The following RAD51B variants were observed in gnomAD, a reference collection of about 807,000 sequenced individuals.
The protein encoded by RAD51B is RAD51 paralog B.
RAD51B carries 38 observed loss-of-function variants against 42.2 expected under a neutral mutation model. That is an observed-to-expected ratio of 0.90 (90% CI 0.70 to 1.18). The LOEUF (loss-of-function observed/expected upper bound fraction) is 1.18. RAD51B is among the 50% of genes most tolerant of loss of function. The probability of loss-of-function intolerance (pLI) is 0.00; values close to 1 mark genes in which losing one functional copy is unlikely to be tolerated. For synonymous variants in RAD51B, 154 were observed against 145.2 expected (o/e 1.06, Z -0.43); for missense variants, 373 against 400.7 (o/e 0.93, Z 0.59).
chr14:68,218,030 T>C (rs571838224), intron 7 of RAD51B, among the ~76,000 whole-genome samples: 4 of 152,334 alleles, frequency 2.6e-5, no homozygotes, highest in African/African-American at 9.6e-5. Context: ...ATAACTTTAA[T>C]GTTGTACAGT....
At chr14:68,613,726 T>C (rs554931254), downstream of RAD51B, among the ~76,000 whole-genome samples, 32 of 152,214 alleles carry the variant, frequency 2.1e-4, no homozygotes, top group African/African-American at 7.5e-4. Flanking sequence ...AGTGCTGGGA[T>C]TACAGGCGTG....
At chr14:67,990,946 C>G (rs1210592496) in intron 7 of RAD51B, among the ~76,000 whole-genome samples, 1 of 152,000 alleles carries the variant, frequency 6.6e-6, no homozygotes, top group Admixed American at 6.6e-5. Flanking sequence ...AAGGGTGAAG[C>G]CTTACTCGAA....
chr14:68,658,248 G>A (rs550711670), intron 11 of RAD51B, among the ~76,000 whole-genome samples: 1 of 152,222 alleles, frequency 6.6e-6, no homozygotes, highest in Non-Finnish European at 1.5e-5. Context: ...CTCTGAGCCA[G>A]CCACCCTGGA....
rs143276853 is a variant in RAD51B at position 68,368,455 on chromosome 14, T to C, written c.854-42969T>C. Among the ~76,000 whole-genome samples, 599 of 152,366 alleles carry C rather than the reference T, an allele frequency of 3.9e-3. 7 individuals carry two copies. The highest frequency in any genetic ancestry group is 0.014 in the African/African-American group (572 of 41,582). On this transcript the variant is annotated intron_variant, in intron 8 of 10. Transcript: ENST00000471583. Reference sequence around the variant, plus strand: ...TTAGTTTAGTTATTGACTATGTTTTTCTTCCTATAAAGTAAATATGTTTCA... The same window carrying C: ...TTAGTTTAGTTATTGACTATGTTTTCCTTCCTATAAAGTAAATATGTTTCA...
At chr14:68,566,063 C>T (rs968172336) in intron 10 of RAD51B, among the ~76,000 whole-genome samples, 7 of 152,212 alleles carry the variant, frequency 4.6e-5, no homozygotes, top group African/African-American at 1.7e-4. Context: ...CTTCGCTGGG[C>T]CTTGTCACTC....
At chr14:68,529,586 T>C (rs962948792) in intron 10 of RAD51B, among the ~76,000 whole-genome samples, 1 of 152,170 alleles carries the variant, frequency 6.6e-6, no homozygotes, top group Non-Finnish European at 1.5e-5. Flanking sequence ...CTTTCACTAC[T>C]AAGGGAGAGA....
downstream of RAD51B, among the ~76,000 whole-genome samples, chr14:68,613,929 A>G (rs988926079): frequency 6.6e-6 from 1 of 152,240 alleles, no homozygotes; most frequent in African/African-American, 2.4e-5. Context: ...GTGGCCATTC[A>G]GAACGCCCAA....
intron 8 of RAD51B, among the ~76,000 whole-genome samples, chr14:68,396,909 C>A (rs2083940639): frequency 6.6e-6 from 1 of 152,062 alleles, no homozygotes; most frequent in African/African-American, 2.4e-5. Flanking sequence ...ATCTAAATGG[C>A]CAAAAGAAAC....
At chr14:68,486,290 G>T (rs562450756) in intron 10 of RAD51B, among the ~76,000 whole-genome samples, 7 of 152,288 alleles carry the variant, frequency 4.6e-5, no homozygotes, top group Admixed American at 1.3e-4. Flanking sequence ...ACCTGCTACT[G>T]TGGGGTTCTA....
At chr14:68,375,123 C>G (rs762368557) in intron 8 of RAD51B, among the ~76,000 whole-genome samples, 1 of 151,840 alleles carries the variant, frequency 6.6e-6, no homozygotes, top group Non-Finnish European at 1.5e-5. Context: ...TTAGCGTTAC[C>G]CTATTTAAAC....
intron 9 of RAD51B, among the ~76,000 whole-genome samples, chr14:68,447,032 C>T (rs902561737): frequency 1.3e-5 from 2 of 152,118 alleles, no homozygotes; most frequent in African/African-American, 2.4e-5. Flanking sequence ...GCCTGACCAA[C>T]GTGGTCTACT....
At chr14:67,827,335 C>T (rs1056212882) in intron 3 of RAD51B, among the ~76,000 whole-genome samples, 1 of 152,188 alleles carries the variant, frequency 6.6e-6, no homozygotes, top group Non-Finnish European at 1.5e-5. Flanking sequence ...TTTCTACTTC[C>T]ATCACTACCT....
At chr14:67,820,809 C>G (rs186047430) in intron 1 of RAD51B, among the ~76,000 whole-genome samples, 2 of 152,154 alleles carry the variant, frequency 1.3e-5, no homozygotes, top group East Asian at 3.9e-4. Context: ...ACGCACTCCC[C>G]GAGTCCTTTA....
At chr14:68,580,902 T>C (rs1026316468) in intron 10 of RAD51B, among the ~76,000 whole-genome samples, 1 of 152,200 alleles carries the variant, frequency 6.6e-6, no homozygotes, top group Non-Finnish European at 1.5e-5. Context: ...CAGCTGTGCT[T>C]TGGCGGTCAT....
intron 7 of RAD51B, among the ~76,000 whole-genome samples, chr14:68,203,924 G>C (rs1803582953): frequency 1.3e-5 from 2 of 152,200 alleles, no homozygotes; most frequent in Non-Finnish European, 2.9e-5. Flanking sequence ...TTAAGCCCTT[G>C]CTCTGGATTA....
chr14:68,561,870 C>T (rs1889169085), intron 10 of RAD51B: 2 of 805,122 alleles, frequency 2.5e-6, no homozygotes, highest in Non-Finnish European at 3.0e-6. Context: ...GTTTCCTCTG[C>T]TGGAAAAGGA....
At chr14:68,004,823 G>A (rs889417808) in intron 7 of RAD51B, among the ~76,000 whole-genome samples, 1 of 151,832 alleles carries the variant, frequency 6.6e-6, no homozygotes, top group Non-Finnish European at 1.5e-5. Flanking sequence ...AGGGGGGTTT[G>A]GTTCGTTTTT....
At chr14:68,641,322 C>A (rs1228535000) in intron 10 of RAD51B, among the ~76,000 whole-genome samples, 1 of 152,164 alleles carries the variant, frequency 6.6e-6, no homozygotes, top group Non-Finnish European at 1.5e-5. Flanking sequence ...TGCAACCCTA[C>A]TATAATTGCT....
chr14:68,106,219 G>C (rs919146247), intron 7 of RAD51B, among the ~76,000 whole-genome samples: 5 of 151,790 alleles, frequency 3.3e-5, no homozygotes, highest in African/African-American at 1.2e-4. Context: ...CCAGAAACTA[G>C]ATGTTTCTAG....
Sources: gnomAD v4.1 joint callset for allele counts (sites outside exome capture counted in the v4.1 genomes callset) on GRCh38, gnomAD v4.1.1 for gene constraint, MANE v1.5 for transcripts, NCBI Gene and HGNC (gene_info 2026-07-23, HGNC 2026-07-21) for gene names.